SPEG: variants seen among roughly 807,000 people sequenced by gnomAD.
The protein encoded by SPEG is striated muscle preferentially expressed protein kinase.
Under a neutral mutation model 300.4 loss-of-function variants are expected in SPEG, and 114 were observed. The observed-to-expected ratio is 0.38, with a 90% confidence interval of 0.33 to 0.44. SPEG has a LOEUF of 0.44. Ranked by LOEUF, SPEG falls within the 20% of genes least tolerant of loss-of-function variation. The pLI, the probability that SPEG is intolerant of heterozygous loss-of-function variation, is 1.00. For missense variants in SPEG, 4,201 were observed against 4,586.2 expected, an observed-to-expected ratio of 0.92 and a Z score of 2.43; for synonymous variants, 1,964 against 2,018.9, an observed-to-expected ratio of 0.97 and a Z score of 0.73.
At chr2:219,440,420 G>A (rs1291693208) in intron 1 of SPEG, among the ~76,000 whole-genome samples, 1 of 151,876 alleles carries the variant, frequency 6.6e-6, no homozygotes, top group East Asian at 1.9e-4. Flanking sequence ...ATAAGATAAA[G>A]GGGCCACAGA....
Position 219,480,109 on chromosome 2 carries a change from C to G in SPEG, c.5311C>G (p.Gln1771Glu), listed in dbSNP as rs764724129. The change falls in exon 25 of 41, where the codon CAG (glutamine) becomes GAG (glutamate). Residue 1771 changes from glutamine (Q) to glutamate (E), a missense_variant. Gln to Glu is a conservative substitution (Grantham distance 29, BLOSUM62 2). Coordinates refer to ENST00000312358, the MANE Select transcript of SPEG (RefSeq NM_005876.5). The surrounding 1 kb of genome is among the most constrained non-coding windows in gnomAD (Gnocchi z 5.3). ...GTTTGTAGCACCCGAGATTGTCAAT[C>G]AGAGCCCCGTGTCTGGAGTCACTGA... ...PEFVAPEIVN[Q>E]SPVSGVTDIW... 1.2e-5 allele frequency: 19 copies of G among 1,613,816 alleles called. No homozygotes were observed. The East Asian group carries it at 3.8e-4, about 32-fold the overall frequency.
intron 6 of SPEG, chr2:219,460,411 G>A: frequency 1.0e-6 from 1 of 985,446 alleles, no homozygotes; most frequent in Non-Finnish European, 1.2e-6. Context: ...GCAACACAGG[G>A]AACATTTCCC....
chr2:219,490,860 A>G lies in SPEG; in HGVS notation c.9289A>G (p.Asn3097Asp), dbSNP rs748625277. ...KPDNLLLAPDNALKIVDFGSA... is the reference protein window; with the variant it reads ...KPDNLLLAPDDALKIVDFGSA... ...AGACAACCTGCTGCTGGCCCCTGACAATGCCCTCAAGATTGTGGACTTTGG... is the reference window on the plus strand; with the variant it reads ...AGACAACCTGCTGCTGGCCCCTGACGATGCCCTCAAGATTGTGGACTTTGG... Residue 3097 changes from asparagine to aspartate, a missense_variant, in exon 38 of 41, where the codon AAT (asparagine) becomes GAT (aspartate). By Grantham distance (23) the Asn-to-Asp change is conservative. This residue lies in a region of SPEG where 318 missense variants were observed against 429.5 expected (regional missense o/e 0.74). Transcript: ENST00000312358. The G allele has an allele frequency of 1.2e-6, 2 of 1,613,698 alleles. No individual in the cohort carries two copies. The highest frequency in any genetic ancestry group is 1.7e-6 in the Non-Finnish European group (2 of 1,179,920).
chr2:219,472,218 G>C lies in SPEG; in HGVS notation c.3836-9G>C, dbSNP rs750100526. 1 of 1,613,132 alleles carries C rather than the reference G, an allele frequency of 6.2e-7. No individual in the cohort carries two copies. Among genetic ancestry groups the C allele is most frequent in the Non-Finnish European group, 8.5e-7 (1 of 1,179,652 alleles). ...TGGACCCAGCAGACATTCGAACTGC[G>C]GCTTTCAGATGTGGTCCCAGGCCCT... On this transcript the variant is annotated splice_polypyrimidine_tract_variant and intron_variant, in intron 14 of 40. Coordinates refer to ENST00000312358, the MANE Select transcript of SPEG (RefSeq NM_005876.5).
chr2:219,483,400 T>C lies in SPEG; in HGVS notation c.5937T>C (p.Ala1979=). ...TPMDWQEQGR[A]PSQDQEAPSP... ...TGGACTGGCAGGAGCAGGGAAGGGC[T>C]CCCTCTCAGGACCAGGAGGCTCCCA... Residue 1979 remains alanine, a synonymous_variant, in exon 30 of 41, where the codon GCT becomes GCC. Transcript: ENST00000312358. 1 of 1,591,990 alleles carries C rather than the reference T, an allele frequency of 6.3e-7. No individual in the cohort carries two copies. The highest frequency in any genetic ancestry group is 8.5e-7 in the Non-Finnish European group (1 of 1,174,348).
rs771921529 is a variant in SPEG, at chr2:219,444,094, C to T, written c.389-559C>T. On this transcript the variant is annotated intron_variant, in intron 1 of 40. Coordinates refer to ENST00000312358, the MANE Select transcript of SPEG (RefSeq NM_005876.5). This position sits in a 1 kb window ranked among gnomAD's most constrained non-coding sequence, Gnocchi z 7.8. The stretch of plus-strand genomic sequence containing the variant: ...TGGCTCCTGCTCTAGCCCCCCGCAT[C>T]CCCCCCTTTCCCACCCGGCCCCGGC... The T allele has an allele frequency of 1.5e-6, 2 of 1,329,756 alleles. No individual in the cohort carries two copies. Among genetic ancestry groups the T allele is most frequent in the Admixed American group, 2.0e-5 (1 of 50,608 alleles). 82.4% of individuals were successfully genotyped at this position (1,329,756 alleles called of 1,614,324 possible).
At chr2:219,487,127 A>C in intron 31 of SPEG, among the ~76,000 whole-genome samples, 1 of 146,092 alleles carries the variant, frequency 6.8e-6, no homozygotes, top group East Asian at 2.0e-4. Flanking sequence ...TTCACCCACC[A>C]CCCCCATGGC....
In SPEG at chr2:219,444,098, C is replaced by G. The variant is rs376756722; in HGVS notation, c.389-555C>G. The G allele has an allele frequency of 3.5e-5, 47 of 1,331,938 alleles. No homozygotes were observed. The East Asian group carries it at 1.9e-3, about 53-fold the overall frequency. The allele number at this position is 1,331,938 out of a possible 1,614,324, so 82.5% of individuals were successfully genotyped here. On this transcript the variant is annotated intron_variant, in intron 1 of 40. Coordinates refer to ENST00000312358, the MANE Select transcript of SPEG (RefSeq NM_005876.5). This position sits in a 1 kb window ranked among gnomAD's most constrained non-coding sequence, Gnocchi z 7.8. ...TCCTGCTCTAGCCCCCCGCATCCCC[C>G]CCTTTCCCACCCGGCCCCGGCCTCT...
chr2:219,490,689 G>T, intron 37 of SPEG, 41 bp downstream of exon 37: 1 of 1,610,436 alleles, frequency 6.2e-7, no homozygotes, highest in Non-Finnish European at 8.5e-7. Flanking sequence ...AAGAGGTAGG[G>T]GAGGCTGGGC....
rs1169464656 is a variant in SPEG at position 219,434,947 on chromosome 2, C to T, written c.-31C>T. The T allele has an allele frequency of 6.8e-7, 1 of 1,474,224 alleles. No individual in the cohort carries two copies. Among genetic ancestry groups the T allele is most frequent in the Non-Finnish European group, 8.9e-7 (1 of 1,121,638 alleles). The allele number at this position is 1,474,224 out of a possible 1,614,324, so 91.3% of individuals were successfully genotyped here. A position where few individuals can be genotyped will look rare whatever the true frequency, so the allele number is the denominator to read the frequency against. On this transcript the variant is annotated 5_prime_UTR_variant, in exon 1 of 41. Coordinates refer to ENST00000312358, the MANE Select transcript of SPEG (RefSeq NM_005876.5). ...GGGTGCCCCCGTGGCCGCCCAGTTC[C>T]GGCGTCCCCCCAGCCCAGCTCTCAG...
chr2:219,489,169 G>T lies in SPEG; in HGVS notation c.8265G>T (p.Gly2755=). The change falls in exon 35 of 41, where the codon GGG becomes GGT. Residue 2755 remains glycine, a synonymous_variant. Coordinates refer to ENST00000312358, the MANE Select transcript of SPEG (RefSeq NM_005876.5). Reference sequence around the variant, plus strand: ...GTGTGGCCTGTGCCAACCGTGCTGGGCAGGGGCCCTTCAGCAACTCTTCTG... The same window carrying T: ...GTGTGGCCTGTGCCAACCGTGCTGGTCAGGGGCCCTTCAGCAACTCTTCTG... ...RFRVACANRA[G]QGPFSNSSEK... is the part of the protein sequence containing the mutation. 1 of 1,614,020 alleles carries T rather than the reference G, an allele frequency of 6.2e-7. No individual in the cohort carries two copies. The highest frequency in any genetic ancestry group is 8.5e-7 in the Non-Finnish European group (1 of 1,179,970).
intron 3 of SPEG, among the ~76,000 whole-genome samples, chr2:219,446,776 T>C (rs1689322221): frequency 6.6e-6 from 1 of 152,176 alleles, no homozygotes; most frequent in Admixed American, 6.5e-5. Flanking sequence ...CATTTAATCT[T>C]TTTTATGCCT....
At chr2:219,441,116 T>C (rs549058624) in intron 1 of SPEG, among the ~76,000 whole-genome samples, 1 of 152,358 alleles carries the variant, frequency 6.6e-6, no homozygotes, top group East Asian at 1.9e-4. Context: ...TAGTAACTGC[T>C]AAACAAACAT....
Position 219,482,809 on chromosome 2 carries a change from G to C in SPEG, c.5591G>C (p.Ser1864Thr). ...FKTQAKGAEV[S>T]TDHLKLFLSR... The stretch of plus-strand genomic sequence containing the variant: ...ACTCAGGCAAAGGGCGCAGAGGTGA[G>C]CACGGATCACCTGAAGCTATTCCTC... The change falls in exon 29 of 41, where the codon AGC becomes ACC. Residue 1864 changes from serine to threonine, a missense_variant. This residue lies in a region of SPEG where 1,578 missense variants were observed against 1,506.0 expected (regional missense o/e 1.05). Coordinates refer to ENST00000312358, the MANE Select transcript of SPEG (RefSeq NM_005876.5). 1 of 1,613,894 alleles carries C rather than the reference G, an allele frequency of 6.2e-7. No homozygotes were observed. Among genetic ancestry groups the C allele is most frequent in the Non-Finnish European group, 8.5e-7 (1 of 1,179,946 alleles).
chr2:219,466,850 C>T, intron 9 of SPEG: 1 of 1,133,700 alleles, frequency 8.8e-7, no homozygotes, highest in Non-Finnish European at 1.1e-6. Flanking sequence ...AAATAAAGTC[C>T]AGTTTGTACC....
At chr2:219,456,514 C>T (rs553146585) in intron 6 of SPEG, among the ~76,000 whole-genome samples, 85 of 152,342 alleles carry the variant, frequency 5.6e-4, no homozygotes, top group African/African-American at 1.7e-3. Flanking sequence ...GTACCTAGAA[C>T]GGGGGCCATC....
rs574023599 is a variant in SPEG, at chr2:219,458,342, G to C, written c.2441-3540G>C. Among the ~76,000 whole-genome samples the C allele has an allele frequency of 8.7e-4, 133 of 152,204 alleles. No homozygotes were observed. Among genetic ancestry groups the C allele is most frequent in the Middle Eastern group, 3.4e-3 (1 of 294 alleles). On this transcript the variant is annotated intron_variant, in intron 6 of 40. Transcript: ENST00000312358. This position sits in a 1 kb window ranked among gnomAD's most constrained non-coding sequence, Gnocchi z 4.2. ...ATGGAGCGGTGGTCCTCAGAGTGAG[G>C]CCCCCAGACCAGCAGCATCAGCATC...
At chr2:219,460,708 C>T (rs1690598981) in intron 6 of SPEG, 3 of 985,484 alleles carry the variant, frequency 3.0e-6, no homozygotes, top group Non-Finnish European at 3.6e-6. Flanking sequence ...AGGGCCCAGG[C>T]TGCCTGTGGT....
intron 6 of SPEG, among the ~76,000 whole-genome samples, chr2:219,453,946 G>A (rs1689969323): frequency 6.6e-6 from 1 of 152,214 alleles, no homozygotes; most frequent in East Asian, 1.9e-4. Flanking sequence ...TGGGGCCAGG[G>A]GAGGGAGTCC....
Sources: gnomAD v4.1 joint callset for allele counts (sites outside exome capture counted in the v4.1 genomes callset) on GRCh38, gnomAD v4.1.1 for gene constraint, gnomAD v4.1.1 regional missense constraint, Gnocchi (gnomAD v3.1) non-coding constraint, MANE v1.5 for transcripts, NCBI Gene and HGNC (gene_info 2026-07-23, HGNC 2026-07-21) for gene names.